Variants in IGFL1 observed in about 807,000 individuals in gnomAD.
The protein encoded by IGFL1 is insulin growth factor-like family member 1.
A neutral mutation model predicts 16.0 loss-of-function variants in IGFL1; 16 were observed. The ratio of observed to expected loss-of-function variants is 1.00; its 90% CI spans 0.68 to 1.52. The LOEUF (loss-of-function observed/expected upper bound fraction) is 1.52. Among genes scored for constraint, IGFL1 ranks in the 40% most tolerant of loss-of-function variants. The pLI, the probability that IGFL1 is intolerant of heterozygous loss-of-function variation, is 0.00. For missense variants in IGFL1, 149 were observed against 141.7 expected (o/e 1.05, Z -0.26); for synonymous variants, 59 against 54.0 (o/e 1.09, Z -0.41).
Position 46,231,073 on chromosome 19 carries a change from A to G in IGFL1, c.*243A>G, listed in dbSNP as rs1967238475. On this transcript the variant is annotated 3_prime_UTR_variant, in exon 4 of 4. Transcript: ENST00000437936. Reference sequence around the variant, plus strand: ...GAGATGCGTGTGCTGATGGGGGCCCAGGGACTCTGAACCCTCCTGATGACC... The same window carrying G: ...GAGATGCGTGTGCTGATGGGGGCCCGGGGACTCTGAACCCTCCTGATGACC... 8.3e-6 allele frequency: 5 copies of G among 603,300 alleles called. No homozygotes were observed. In the East Asian group the frequency reaches 1.4e-4, roughly 17 times the overall value. The allele number at this position is 603,300 out of a possible 1,614,324, so 37.4% of individuals were successfully genotyped here. A position where few individuals can be genotyped will look rare whatever the true frequency, so the allele number is the denominator to read the frequency against.
chr19:46,231,012 G>A lies in IGFL1; in HGVS notation c.*182G>A, dbSNP rs1455510906. ...GCCCACCCTGCAGCTGCCCTGAGGA[G>A]GCCCACAGGTCCCCTTCTAGAATTC... is the stretch of plus-strand genomic sequence containing the variant. On this transcript the variant is annotated 3_prime_UTR_variant, in exon 4 of 4. Coordinates refer to ENST00000437936, the MANE Select transcript of IGFL1 (RefSeq NM_198541.2). The A allele has an allele frequency of 1.5e-6, 1 of 674,450 alleles. No individual in the cohort carries two copies. The highest frequency in any genetic ancestry group is 2.7e-5 in the East Asian group (1 of 36,794). The allele number at this position is 674,450 out of a possible 1,614,324, so 41.8% of individuals were successfully genotyped here.
chr19:46,230,194 G>T (rs1256200711), intron 2 of IGFL1, 33 bp downstream of exon 2: 22 of 1,613,746 alleles, frequency 1.4e-5, no homozygotes, highest in Non-Finnish European at 1.8e-5. Context: ...AGCTGGAGGA[G>T]GGGTACACCT....
chr19:46,230,006 GCCATAC>G, intron 1 of IGFL1, 96 bp from the exon 2 acceptor site: 2 of 1,423,018 alleles, frequency 1.4e-6, no homozygotes, highest in East Asian at 4.6e-5. Flanking sequence ...GCTGCTCAAA[GCCATAC>G]CGAGCCCTGG....
chr19:46,230,148 A>G lies in IGFL1; in HGVS notation c.66A>G (p.Ser22=), dbSNP rs750918638. The change falls in exon 2 of 4, where the codon TCA becomes TCG. Residue 22 remains serine (S), a synonymous_variant. Coordinates refer to ENST00000437936, the MANE Select transcript of IGFL1 (RefSeq NM_198541.2). The part of the protein sequence containing the change: ...AIFCISRLLC[S]HGAPVAPMTP... ...TCTGCATCTCCAGGCTCCTCTGCTC[A>G]CACGGAGCCCCAGGTGAGCCCAGGA... 6.2e-7 allele frequency: 1 copy of G among 1,613,834 alleles called. No homozygotes were observed. The highest frequency in any genetic ancestry group is 2.2e-5 in the East Asian group (1 of 44,864).
rs1220741531 is a variant in IGFL1 at position 46,231,136 on chromosome 19, G to A, written c.*306G>A. On this transcript the variant is annotated 3_prime_UTR_variant, in exon 4 of 4. Transcript: ENST00000437936. ...ATCAACCCGGCACCACCCCAAGGCT[G>A]GCTGGGGAACCCTTCACCCTTCTGT... The A allele has an allele frequency of 1.8e-5, 9 of 503,820 alleles. No individual in the cohort carries two copies. The Admixed American group carries it at 2.8e-4, about 16-fold the overall frequency. The allele number at this position is 503,820 out of a possible 1,614,324, so 31.2% of individuals were successfully genotyped here.
intron 1 of IGFL1, 27 bp from the exon 2 acceptor site, chr19:46,230,081 C>T: frequency 6.2e-7 from 1 of 1,611,244 alleles, no homozygotes; most frequent in South Asian, 1.1e-5. Flanking sequence ...GTCCACTCAC[C>T]CCATCTTCCC....
chr19:46,230,995 T>A lies in IGFL1; in HGVS notation c.*165T>A. The A allele has an allele frequency of 1.3e-6, 1 of 744,296 alleles. No individual in the cohort carries two copies. The highest frequency in any genetic ancestry group is 2.3e-6 in the Non-Finnish European group (1 of 426,336). The allele number at this position is 744,296 out of a possible 1,614,324, so 46.1% of individuals were successfully genotyped here. ...TCTGTGACCTGTCTGAGGCCCACCC[T>A]GCAGCTGCCCTGAGGAGGCCCACAG... is the stretch of plus-strand genomic sequence containing the variant. On this transcript the variant is annotated 3_prime_UTR_variant, in exon 4 of 4. Transcript: ENST00000437936.
At position 46,230,421 on chromosome 19, in the gene IGFL1, T is replaced by G. The variant is rs1342577093; in HGVS notation, c.227T>G (p.Val76Gly). Reference sequence around the variant, plus strand: ...ACGTGTGGAAACTGCACCTTCAGAGTCTGCTTTGAGCAGTGCTGCCCCTGG... The same window carrying G: ...ACGTGTGGAAACTGCACCTTCAGAGGCTGCTTTGAGCAGTGCTGCCCCTGG... ...TQTCGNCTFRVCFEQCCPWTF... is the reference protein window; with the variant it reads ...TQTCGNCTFRGCFEQCCPWTF... Residue 76 changes from valine (V) to glycine (G), a missense_variant, in exon 3 of 4, where the codon GTC (valine) becomes GGC (glycine). By Grantham distance (109) the Val-to-Gly change is moderately radical. Transcript: ENST00000437936. 6.2e-7 allele frequency: 1 copy of G among 1,613,866 alleles called. No individual in the cohort carries two copies. The highest frequency in any genetic ancestry group is 8.5e-7 in the Non-Finnish European group (1 of 1,179,886).
chr19:46,230,932 G>T lies in IGFL1; in HGVS notation c.*102G>T. The T allele has an allele frequency of 8.4e-7, 1 of 1,194,912 alleles. No individual in the cohort carries two copies. Among genetic ancestry groups the T allele is most frequent in the Non-Finnish European group, 1.2e-6 (1 of 820,536 alleles). 74.0% of individuals were successfully genotyped at this position (1,194,912 alleles called of 1,614,324 possible). Reference sequence around the variant, plus strand: ...GATCTGGGATGCTGAGTGGCTGTTTGGGGGCCAGAGAAACACACACTCAAC... The same window carrying T: ...GATCTGGGATGCTGAGTGGCTGTTTTGGGGCCAGAGAAACACACACTCAAC... On this transcript the variant is annotated 3_prime_UTR_variant, in exon 4 of 4. Coordinates refer to ENST00000437936, the MANE Select transcript of IGFL1 (RefSeq NM_198541.2).
At chr19:46,229,883 A>C (rs1601125303) in intron 1 of IGFL1, 84 bp downstream of exon 1, 1 of 1,457,878 alleles carries the variant, frequency 6.9e-7, no homozygotes, top group Non-Finnish European at 9.4e-7. Flanking sequence ...CCCAAACTAC[A>C]CCTCATCCCT....
chr19:46,230,781 C>T (rs1215093741), intron 3 of IGFL1, 40 bp from the exon 4 acceptor site: 1 of 1,608,818 alleles, frequency 6.2e-7, no homozygotes, highest in Non-Finnish European at 8.5e-7. Context: ...CTCTGGCCAT[C>T]TCTGTCCCGC....
At chr19:46,229,919 G>A in intron 1 of IGFL1, 120 bp downstream of exon 1, 3 of 1,298,740 alleles carry the variant, frequency 2.3e-6, no homozygotes, top group Non-Finnish European at 3.3e-6. Flanking sequence ...CAAATCTCCA[G>A]GCGTGAATTG....
At position 46,230,992 on chromosome 19, in the gene IGFL1, C is replaced by T. The variant is rs1967237481; in HGVS notation, c.*162C>T. The T allele has an allele frequency of 1.2e-5, 9 of 750,386 alleles. No individual in the cohort carries two copies. The highest frequency in any genetic ancestry group is 2.0e-5 in the Admixed American group (1 of 49,084). The allele number at this position is 750,386 out of a possible 1,614,324, so 46.5% of individuals were successfully genotyped here. On this transcript the variant is annotated 3_prime_UTR_variant, in exon 4 of 4. Coordinates refer to ENST00000437936, the MANE Select transcript of IGFL1 (RefSeq NM_198541.2). ...CATTCTGTGACCTGTCTGAGGCCCA[C>T]CCTGCAGCTGCCCTGAGGAGGCCCA...
In IGFL1 at chr19:46,230,171, G is replaced by A. The variant is rs1386053802; in HGVS notation, c.79+10G>A. The stretch of plus-strand genomic sequence containing the variant: ...TCACACGGAGCCCCAGGTGAGCCCA[G>A]GAGTGTTTGGGAAGCTGGAGGAGGG... On this transcript the variant is annotated intron_variant, in intron 2 of 3. Coordinates refer to ENST00000437936, the MANE Select transcript of IGFL1 (RefSeq NM_198541.2). 1.2e-6 allele frequency: 2 copies of A among 1,613,818 alleles called. No individual in the cohort carries two copies. The highest frequency in any genetic ancestry group is 2.7e-5 in the African/African-American group (2 of 74,918).
At chr19:46,230,669 C>G (rs1350854356) in intron 3 of IGFL1, among the ~76,000 whole-genome samples, 152 bp downstream of exon 3, 1 of 152,156 alleles carries the variant, frequency 6.6e-6, no homozygotes, top group Non-Finnish European at 1.5e-5. Flanking sequence ...GTGTCTCCAT[C>G]CATTTTTATT....
chr19:46,230,792 T>G, intron 3 of IGFL1, 29 bp from the exon 4 acceptor site: 1 of 1,611,022 alleles, frequency 6.2e-7, no homozygotes, highest in Non-Finnish European at 8.5e-7. Flanking sequence ...TCTGTCCCGC[T>G]CAGTGTCTCT....
chr19:46,230,211 G>T (rs2147059278), intron 2 of IGFL1, 50 bp downstream of exon 2: 2 of 1,613,590 alleles, frequency 1.2e-6, no homozygotes, highest in East Asian at 2.2e-5. Context: ...ACCTTCCAGG[G>T]GACCCCAGGC....
chr19:46,231,009 G>C lies in IGFL1; in HGVS notation c.*179G>C, dbSNP rs747040896. The C allele has an allele frequency of 7.8e-5, 53 of 683,598 alleles. No homozygotes were observed. The highest frequency in any genetic ancestry group is 6.3e-5 in the Admixed American group (3 of 47,400). The allele number at this position is 683,598 out of a possible 1,614,324, so 42.3% of individuals were successfully genotyped here. ...GAGGCCCACCCTGCAGCTGCCCTGA[G>C]GAGGCCCACAGGTCCCCTTCTAGAA... On this transcript the variant is annotated 3_prime_UTR_variant, in exon 4 of 4. Transcript: ENST00000437936.
rs1340755297 is a variant in IGFL1, at chr19:46,230,315, A to G, written c.121A>G (p.Lys41Glu). 2 of 1,613,764 alleles carry G rather than the reference A, an allele frequency of 1.2e-6. No individual in the cohort carries two copies. The highest frequency in any genetic ancestry group is 1.7e-6 in the Non-Finnish European group (2 of 1,179,850). Reference sequence around the variant, plus strand: ...TTACCTGATGCTGTGCCAGCCACACAAGAGATGTGGGGACAAGTTCTACGA... The same window carrying G: ...TTACCTGATGCTGTGCCAGCCACACGAGAGATGTGGGGACAAGTTCTACGA... ...TPYLMLCQPH[K>E]RCGDKFYDPL... The change falls in exon 3 of 4, where the codon AAG becomes GAG. Residue 41 changes from lysine (K) to glutamate (E), a missense_variant. Physicochemically the swap from Lys to Glu is moderately conservative, Grantham distance 56. Transcript: ENST00000437936.
Sources: gnomAD v4.1 joint callset for allele counts (sites outside exome capture counted in the v4.1 genomes callset) on GRCh38, gnomAD v4.1.1 for gene constraint, MANE v1.5 for transcripts, NCBI Gene and HGNC (gene_info 2026-07-23, HGNC 2026-07-21) for gene names.